Variants in CYFIP2 observed in about 807,000 individuals in gnomAD.
CYFIP2 encodes the protein cytoplasmic FMR1 interacting protein 2.
CYFIP2 carries 29 observed loss-of-function variants against 158.7 expected under a neutral mutation model. The observed-to-expected ratio is 0.18, with a 90% CI of 0.14 to 0.25. The LOEUF (loss-of-function observed/expected upper bound fraction) is 0.25. Among genes scored for constraint, CYFIP2 ranks in the 10% least tolerant of loss-of-function variants. The pLI is 1.00. For missense variants in CYFIP2, 852 were observed against 1,639.5 expected, an observed-to-expected ratio of 0.52 and a Z score of 8.29; for synonymous variants, 585 against 617.6, an observed-to-expected ratio of 0.95 and a Z score of 0.78.
At chr5:157,367,322 CCAATAAT>C (rs1304876323) in intron 26 of CYFIP2, among the ~76,000 whole-genome samples, 1 of 152,176 alleles carries the variant, frequency 6.6e-6, no homozygotes, top group Non-Finnish European at 1.5e-5. Flanking sequence ...ATTGTGGCAA[CCAATAAT>C]GTCTCTAGAT....
At chr5:157,291,990 G>T (rs1232795113) in intron 3 of CYFIP2, among the ~76,000 whole-genome samples, 1 of 151,850 alleles carries the variant, frequency 6.6e-6, no homozygotes, top group African/African-American at 2.4e-5. Context: ...TACAGCCATG[G>T]CTACTACCTA....
chr5:157,309,657 C>A, intron 9 of CYFIP2, 86 bp from the exon 10 acceptor site: 2 of 1,217,710 alleles, frequency 1.6e-6, no homozygotes, highest in Non-Finnish European at 2.4e-6. Context: ...CACACAGAGG[C>A]CTGCCTCCCA....
chr5:157,359,495 C>A (rs1763652089), intron 24 of CYFIP2, among the ~76,000 whole-genome samples: 1 of 152,182 alleles, frequency 6.6e-6, no homozygotes, highest in Non-Finnish European at 1.5e-5. Flanking sequence ...TTGAGCAGGG[C>A]AAATTCATGA....
intron 1 of CYFIP2, among the ~76,000 whole-genome samples, chr5:157,268,400 C>T (rs1308324041): frequency 5.3e-5 from 8 of 152,168 alleles, no homozygotes; most frequent in East Asian, 1.9e-4. Flanking sequence ...ATTCAAAAAC[C>T]GGTAAAAGGC....
At chr5:157,278,811 C>T (rs1319078656) in intron 1 of CYFIP2, among the ~76,000 whole-genome samples, 1 of 152,186 alleles carries the variant, frequency 6.6e-6, no homozygotes, top group Non-Finnish European at 1.5e-5. Context: ...CTGTACTAGG[C>T]CCCTAAAAAC....
At chr5:157,288,483 T>C in intron 3 of CYFIP2, 1 of 397,786 alleles carries the variant, frequency 2.5e-6, no homozygotes, top group Admixed American at 2.9e-5. Context: ...ATTGTGTGGC[T>C]GGTGCCCTCA....
At chr5:157,336,624 C>T (rs540736956) in intron 21 of CYFIP2, among the ~76,000 whole-genome samples, 75 of 152,308 alleles carry the variant, frequency 4.9e-4, no homozygotes, top group South Asian at 4.1e-3. Context: ...GGTTAACAAT[C>T]AGGTCTTCTT....
rs776958013 is a variant in CYFIP2 at position 157,339,132 on chromosome 5, G to A, written c.2461G>A (p.Asp821Asn). Residue 821 changes from aspartate (D) to asparagine (N), a missense_variant, in exon 22 of 31, where the codon GAT becomes AAT. Physicochemically the swap from Asp to Asn is conservative, Grantham distance 23. Around this residue, in one of 8 missense-constraint regions of CYFIP2, gnomAD observed 191 missense variants for 311.2 expected, o/e 0.61. Transcript: ENST00000620254. The part of the protein sequence containing the change: ...LCKHMTLDSF[D>N]AMFREANHNV... ...TAAGCATATGACGCTGGACAGCTTCGATGCCATGTTCCGAGAGGCCAATCA... is the reference window on the plus strand; with the variant it reads ...TAAGCATATGACGCTGGACAGCTTCAATGCCATGTTCCGAGAGGCCAATCA... 22 of 1,613,870 alleles carry A rather than the reference G, an allele frequency of 1.4e-5. No individual in the cohort carries two copies. In the Admixed American group the frequency reaches 1.8e-4, roughly 13 times the overall value.
At position 157,326,412 on chromosome 5, in the gene CYFIP2, T is replaced by G. The variant is rs541963028; in HGVS notation, c.2079+145T>G. ...GTAACCATGGCCATCAGAAGGCCTG[T>G]GTAACCTCTGAGGGCAGAAGTACAA... On this transcript the variant is annotated intron_variant, in intron 18 of 30. Coordinates refer to ENST00000620254, the MANE Select transcript of CYFIP2 (RefSeq NM_001037333.3). The G allele has an allele frequency of 9.1e-5, 64 of 706,796 alleles. No individual in the cohort carries two copies. The African/African-American group carries it at 1.1e-3, about 12-fold the overall frequency. 43.8% of individuals were successfully genotyped at this position (706,796 alleles called of 1,614,324 possible).
chr5:157,353,060 G>A (rs1471695544), intron 23 of CYFIP2, among the ~76,000 whole-genome samples: 3 of 152,190 alleles, frequency 2.0e-5, no homozygotes, highest in African/African-American at 7.2e-5. Flanking sequence ...TTTTGGCCTA[G>A]TGATACCAGT....
At chr5:157,315,270 C>T (rs897850252) in intron 13 of CYFIP2, among the ~76,000 whole-genome samples, 176 bp downstream of exon 13, 3 of 152,138 alleles carry the variant, frequency 2.0e-5, no homozygotes, top group Admixed American at 1.3e-4. Flanking sequence ...TGATTAGAAA[C>T]TCATTCTGTT....
At chr5:157,337,125 T>C (rs1265551197) in intron 21 of CYFIP2, among the ~76,000 whole-genome samples, 4 of 152,116 alleles carry the variant, frequency 2.6e-5, no homozygotes, top group Non-Finnish European at 5.9e-5. Flanking sequence ...CGCCACTTAC[T>C]CCATGTATTT....
Position 157,358,996 on chromosome 5 carries a change from G to C in CYFIP2, c.2674-9G>C. 6.2e-7 allele frequency: 1 copy of C among 1,613,972 alleles called. No homozygotes were observed. The highest frequency in any genetic ancestry group is 1.3e-5 in the African/African-American group (1 of 75,050). On this transcript the variant is annotated splice_polypyrimidine_tract_variant and intron_variant, in intron 23 of 30. Coordinates refer to ENST00000620254, the MANE Select transcript of CYFIP2 (RefSeq NM_001037333.3). Reference sequence around the variant, plus strand: ...CAGGCACTTATTTGCCACTACCTCTGTTTTCCAGCCTCTCAACATTGCCTA... The same window carrying C: ...CAGGCACTTATTTGCCACTACCTCTCTTTTCCAGCCTCTCAACATTGCCTA...
intron 26 of CYFIP2, chr5:157,365,398 GTTGATCAC>G (rs1434750942): frequency 1.9e-4 from 29 of 152,256 alleles, no homozygotes; most frequent in Non-Finnish European, 3.4e-4. Flanking sequence ...AAATTTAACA[GTTGATCAC>G]TTGGACAAAG....
At chr5:157,307,927 G>C in intron 9 of CYFIP2, 62 bp downstream of exon 9, 1 of 933,168 alleles carries the variant, frequency 1.1e-6, no homozygotes, top group South Asian at 1.4e-5. Flanking sequence ...GATGTCTTTG[G>C]GGGAAAGGGA....
rs952650458 is a variant in CYFIP2 at position 157,314,609 on chromosome 5, T to C, written c.1230+146T>C. The C allele has an allele frequency of 1.1e-5, 14 of 1,275,576 alleles. No homozygotes were observed. The African/African-American group carries it at 2.1e-4, about 19-fold the overall frequency. The allele number at this position is 1,275,576 out of a possible 1,614,324, so 79.0% of individuals were successfully genotyped here. ...TTTACCCATTTAAAGTATAAGTTCA[T>C]TGGTTTTTAGTATATCCGCAGAGTT... On this transcript the variant is annotated intron_variant, in intron 12 of 30. Coordinates refer to ENST00000620254, the MANE Select transcript of CYFIP2 (RefSeq NM_001037333.3).
chr5:157,373,009 C>A (rs946190283), intron 26 of CYFIP2, among the ~76,000 whole-genome samples: 6 of 152,132 alleles, frequency 3.9e-5, no homozygotes, highest in Admixed American at 2.0e-4. Context: ...ACGCTTGAGC[C>A]GAGAGAGGGT....
In CYFIP2 at chr5:157,393,153, G is replaced by T. The variant is rs1031803783; in HGVS notation, c.*153G>T. On this transcript the variant is annotated 3_prime_UTR_variant, in exon 31 of 31. Transcript: ENST00000620254. ...ACACATCACCACTCCCTAGGGCGGG[G>T]CCTGTGCATGCTCTCCCATGACATC... The T allele has an allele frequency of 1.5e-4, 108 of 701,328 alleles. 1 individual carries two copies. Among genetic ancestry groups the T allele is most frequent in the Non-Finnish European group, 1.6e-4 (69 of 440,000 alleles). The allele number at this position is 701,328 out of a possible 1,614,324, so 43.4% of individuals were successfully genotyped here.
At chr5:157,392,063 T>G (rs969453496) in intron 30 of CYFIP2, among the ~76,000 whole-genome samples, 1 of 152,248 alleles carries the variant, frequency 6.6e-6, no homozygotes, top group Non-Finnish European at 1.5e-5. Context: ...GTATATCTTC[T>G]TTAGAAAAAT....
Sources: gnomAD v4.1 joint callset for allele counts (sites outside exome capture counted in the v4.1 genomes callset) on GRCh38, gnomAD v4.1.1 for gene constraint, gnomAD v4.1.1 regional missense constraint, MANE v1.5 for transcripts, NCBI Gene and HGNC (gene_info 2026-07-23, HGNC 2026-07-21) for gene names.